The following DOCK10 variants were observed in gnomAD, a reference collection of about 807,000 sequenced individuals.
DOCK10 encodes dedicator of cytokinesis 10.
DOCK10 carries 145 observed loss-of-function variants against 280.1 expected under a neutral mutation model. That is an observed-to-expected ratio of 0.52 (90% CI 0.45 to 0.59). The LOEUF (loss-of-function observed/expected upper bound fraction) is 0.59, where lower values mean the gene tolerates loss of function less well. Among genes scored for constraint, DOCK10 ranks in the 20% least tolerant of loss-of-function variants. The probability of loss-of-function intolerance (pLI) is 0.00; values close to 1 mark genes in which losing one functional copy is unlikely to be tolerated. For synonymous variants in DOCK10, 915 were observed against 942.2 expected (o/e 0.97, Z 0.53); for missense variants, 2,368 against 2,651.7 (o/e 0.89, Z 2.35).
chr2:225,009,358 G>A (rs1375247088), intron 1 of DOCK10, among the ~76,000 whole-genome samples: 1 of 152,140 alleles, frequency 6.6e-6, no homozygotes, highest in African/African-American at 2.4e-5. Context: ...AAGAAGGGAA[G>A]CTCTCTGAAC....
chr2:224,885,567 A>T, intron 7 of DOCK10, 104 bp downstream of exon 7: 1 of 1,176,036 alleles, frequency 8.5e-7, no homozygotes, highest in Non-Finnish European at 1.1e-6. Context: ...AATTCTTAGA[A>T]TCTAGAGCAG....
At chr2:224,836,578 A>G (rs1364228787) in intron 25 of DOCK10, among the ~76,000 whole-genome samples, 2 of 152,002 alleles carry the variant, frequency 1.3e-5, no homozygotes, top group Non-Finnish European at 2.9e-5. Flanking sequence ...ATTTCTGGTT[A>G]CTTCCTTTTA....
chr2:224,877,781 T>C (rs1312247081), intron 7 of DOCK10, among the ~76,000 whole-genome samples: 1 of 152,206 alleles, frequency 6.6e-6, no homozygotes, highest in Non-Finnish European at 1.5e-5. Flanking sequence ...ATATTCCTGG[T>C]ATGAGATTGG....
intron 51 of DOCK10, among the ~76,000 whole-genome samples, chr2:224,777,490 A>C (rs1173649861): frequency 6.6e-6 from 1 of 152,160 alleles, no homozygotes; most frequent in East Asian, 1.9e-4. Context: ...CCTGTGCTGG[A>C]TGCCTCCTGC....
intron 2 of DOCK10, among the ~76,000 whole-genome samples, chr2:224,919,150 A>G (rs1701535951): frequency 7.5e-6 from 1 of 132,478 alleles, no homozygotes; most frequent in Admixed American, 7.7e-5. Context: ...TGGTGTGTGT[A>G]TGTGTGGTGT....
intron 1 of DOCK10, among the ~76,000 whole-genome samples, chr2:224,995,911 A>G (rs1706259954): frequency 6.6e-6 from 1 of 152,346 alleles, no homozygotes; most frequent in South Asian, 2.1e-4. Context: ...GCAAAAGCCC[A>G]GGTTTTTTAG....
intron 3 of DOCK10, among the ~76,000 whole-genome samples, chr2:224,901,997 T>G (rs1267586228): frequency 2.0e-5 from 3 of 152,258 alleles, no homozygotes; most frequent in African/African-American, 4.8e-5. Flanking sequence ...TGTATCATTT[T>G]CTTCTGGAAA....
chr2:224,942,924 CTG>C (rs1703175822), intron 1 of DOCK10, among the ~76,000 whole-genome samples: 1 of 152,096 alleles, frequency 6.6e-6, no homozygotes, highest in Non-Finnish European at 1.5e-5. Flanking sequence ...ATTTTTATGA[CTG>C]TGCAGATGAT....
chr2:224,893,564 C>A (rs1159021054), intron 4 of DOCK10: 3 of 358,916 alleles, frequency 8.4e-6, no homozygotes, highest in African/African-American at 4.5e-5. Context: ...CAAGTTAGTG[C>A]TGATTTCTAT....
At chr2:225,016,856 C>G (rs1689621463) in intron 1 of DOCK10, among the ~76,000 whole-genome samples, 1 of 143,238 alleles carries the variant, frequency 7.0e-6, no homozygotes. Context: ...GTGGGCACCA[C>G]CATGCCTGGC....
intron 1 of DOCK10, among the ~76,000 whole-genome samples, chr2:224,948,597 T>C (rs867117156): frequency 6.6e-6 from 1 of 152,208 alleles, no homozygotes; most frequent in African/African-American, 2.4e-5. Context: ...TTTCCTGGGG[T>C]TAGATTATGT....
At chr2:224,830,421 T>C (rs1411577381) in intron 27 of DOCK10, 120 bp downstream of exon 27, 2 of 507,730 alleles carry the variant, frequency 3.9e-6, no homozygotes, top group East Asian at 3.6e-5. Context: ...AAAGTAATTA[T>C]TGTAAACTGC....
chr2:224,877,503 C>CCTATTCTATTGGAATAGGTTCCTATTCA (rs1698711824), intron 7 of DOCK10, among the ~76,000 whole-genome samples: 11 of 100,052 alleles, frequency 1.1e-4, no homozygotes, highest in East Asian at 4.8e-4. Flanking sequence ...GTTCCTATTC[C>CCTATTCTATTGGAATAGGTTCCTATTCA]AAGTTGACAT....
intron 45 of DOCK10, 85 bp from the exon 46 acceptor site, chr2:224,793,542 A>G (rs1422715697): frequency 9.7e-7 from 1 of 1,032,750 alleles, no homozygotes; most frequent in East Asian, 2.4e-5. Context: ...TCAGTATTCC[A>G]TATCAGAATA....
intron 26 of DOCK10, among the ~76,000 whole-genome samples, chr2:224,832,406 T>C (rs1020101679): frequency 7.9e-5 from 12 of 152,246 alleles, no homozygotes; most frequent in African/African-American, 2.9e-4. Flanking sequence ...TCTGCTCTAC[T>C]GTCAATGGGC....
intron 4 of DOCK10, chr2:224,893,718 T>A: frequency 2.5e-6 from 1 of 404,826 alleles, no homozygotes; most frequent in Non-Finnish European, 4.8e-6. Flanking sequence ...AAGAATAAAT[T>A]TCACCTTTTT....
chr2:224,845,970 C>T (rs563128366), intron 19 of DOCK10, among the ~76,000 whole-genome samples: 3 of 152,270 alleles, frequency 2.0e-5, no homozygotes, highest in South Asian at 2.1e-4. Flanking sequence ...GTGATCCGCC[C>T]GCCTTGGCCT....
chr2:224,789,423 A>G (rs908189953), intron 47 of DOCK10, among the ~76,000 whole-genome samples: 7 of 152,184 alleles, frequency 4.6e-5, no homozygotes, highest in Admixed American at 4.6e-4. Flanking sequence ...AGAACATAAG[A>G]TTCGTGGGTA....
chr2:224,917,854 G>A (rs1701422701), intron 2 of DOCK10, among the ~76,000 whole-genome samples: 1 of 152,104 alleles, frequency 6.6e-6, no homozygotes, highest in Non-Finnish European at 1.5e-5. Context: ...GCTTCCTTTA[G>A]TCTGTGCACC....
Sources: gnomAD v4.1 joint callset for allele counts (sites outside exome capture counted in the v4.1 genomes callset) on GRCh38, gnomAD v4.1.1 for gene constraint, MANE v1.5 for transcripts, NCBI Gene and HGNC (gene_info 2026-07-23, HGNC 2026-07-21) for gene names.